Variants in RPSA2 observed in about 807,000 individuals in gnomAD.
RPSA2 encodes the protein ribosomal protein SA 2.
chr19:23,854,527 G>A, the RPSA2 span, among the ~76,000 whole-genome samples: 1 of 152,106 alleles, frequency 6.6e-6, no homozygotes, highest in Non-Finnish European at 1.5e-5. Context: ...TTGGGGCCTG[G>A]GACTGGCCCT....
At chr19:23,827,585 C>T in the RPSA2 span, 6 of 1,587,062 alleles carry the variant, frequency 3.8e-6, 1 homozygote, top group Non-Finnish European at 2.6e-6. Flanking sequence ...TTATGTTAAC[C>T]TACCTACCAT....
the RPSA2 span, among the ~76,000 whole-genome samples, chr19:23,851,290 A>G: frequency 2.0e-5 from 3 of 152,340 alleles, no homozygotes; most frequent in Admixed American, 6.5e-5. Flanking sequence ...AGCAGTGGAC[A>G]GTAAGCTTAG....
At chr19:23,826,894 G>C in the RPSA2 span, among the ~76,000 whole-genome samples, 1 of 148,304 alleles carries the variant, frequency 6.7e-6, no homozygotes, top group Admixed American at 6.8e-5. Context: ...GTTCACCATT[G>C]TTGGTCTGGT....
chr19:23,803,163 A>G, the RPSA2 span, among the ~76,000 whole-genome samples: 35 of 152,066 alleles, frequency 2.3e-4, no homozygotes, highest in Middle Eastern at 3.4e-3. Flanking sequence ...GGCACAAAAA[A>G]CAGAATTTTA....
At chr19:23,806,783 TCAA>T in the RPSA2 span, among the ~76,000 whole-genome samples, 10 of 48,514 alleles carry the variant, frequency 2.1e-4, no homozygotes, top group African/African-American at 8.7e-4. Flanking sequence ...AGACTGAGTC[TCAA>T]AAAAAAAAAA....
the RPSA2 span, among the ~76,000 whole-genome samples, chr19:23,761,934 TTGAGATGGAG>T: frequency 1.0e-3 from 136 of 129,568 alleles, no homozygotes; most frequent in East Asian, 4.5e-3. Context: ...TTTTTTTTTT[TTGAGATGGAG>T]TCTTGCTCTA....
At chr19:23,858,087 G>A in the RPSA2 span, among the ~76,000 whole-genome samples, 2 of 142,380 alleles carry the variant, frequency 1.4e-5, no homozygotes, top group Non-Finnish European at 3.0e-5. Context: ...CTCTGTATAA[G>A]TTTCTTGAGT....
the RPSA2 span, chr19:23,758,883 G>T: frequency 7.7e-7 from 1 of 1,292,486 alleles, no homozygotes; most frequent in Non-Finnish European, 1.1e-6. Context: ...TCGGGCTGAA[G>T]GGAGAGACAA....
the RPSA2 span, among the ~76,000 whole-genome samples, chr19:23,868,414 T>C: frequency 3.3e-5 from 5 of 152,210 alleles, no homozygotes; most frequent in African/African-American, 1.2e-4. Flanking sequence ...GTCATGCTTT[T>C]CAAACTTTCC....
At chr19:23,846,203 A>G in the RPSA2 span, among the ~76,000 whole-genome samples, 2 of 152,110 alleles carry the variant, frequency 1.3e-5, no homozygotes, top group Non-Finnish European at 1.5e-5. Flanking sequence ...GTTTATATGT[A>G]TCTTACAAGT....
At chr19:23,870,169 A>G in the RPSA2 span, among the ~76,000 whole-genome samples, 73 of 152,174 alleles carry the variant, frequency 4.8e-4, 1 homozygote, top group South Asian at 7.3e-3. Flanking sequence ...AATTTTTGCT[A>G]TTGTTTCTTT....
chr19:23,787,260 C>G, the RPSA2 span, among the ~76,000 whole-genome samples: 6 of 152,022 alleles, frequency 3.9e-5, no homozygotes, highest in African/African-American at 1.4e-4. Context: ...GTGTGACACT[C>G]AGGGGATGTA....
At chr19:23,843,558 C>A in the RPSA2 span, among the ~76,000 whole-genome samples, 5 of 152,170 alleles carry the variant, frequency 3.3e-5, no homozygotes, top group Admixed American at 2.0e-4. Flanking sequence ...ACCTGCTCTT[C>A]CATTGCTTTG....
At chr19:23,823,578 C>T in the RPSA2 span, among the ~76,000 whole-genome samples, 4 of 151,884 alleles carry the variant, frequency 2.6e-5, no homozygotes, top group Non-Finnish European at 4.4e-5. Context: ...TAACTGACTT[C>T]GCGAGCCACT....
the RPSA2 span, among the ~76,000 whole-genome samples, chr19:23,768,045 G>A: frequency 1.3e-5 from 2 of 152,090 alleles, no homozygotes; most frequent in African/African-American, 2.4e-5. Flanking sequence ...GATTACAAGC[G>A]TGAGCCACCA....
chr19:23,831,118 G>C, the RPSA2 span, among the ~76,000 whole-genome samples: 2 of 148,864 alleles, frequency 1.3e-5, no homozygotes, highest in Admixed American at 6.7e-5. Context: ...TTTTTTTTTT[G>C]GTCTCAGCTG....
chr19:23,793,823 C>T, the RPSA2 span, among the ~76,000 whole-genome samples: 1 of 152,172 alleles, frequency 6.6e-6, no homozygotes, highest in Admixed American at 6.5e-5. Context: ...CTCGGCCTCC[C>T]AAAGTGCTGG....
chr19:23,814,095 C>T, the RPSA2 span, among the ~76,000 whole-genome samples: 1 of 151,186 alleles, frequency 6.6e-6, no homozygotes, highest in South Asian at 2.1e-4. Flanking sequence ...GCCTGTAATC[C>T]CAGCTTCTTG....
At chr19:23,832,838 C>G in the RPSA2 span, 1 of 1,580,704 alleles carries the variant, frequency 6.3e-7, no homozygotes, top group African/African-American at 1.3e-5. Context: ...TTCAGCCAGT[C>G]CTCAACCCTT....
Sources: gnomAD v4.1 joint callset for allele counts (sites outside exome capture counted in the v4.1 genomes callset) on GRCh38, gnomAD v4.1.1 for gene constraint, MANE v1.5 for transcripts, NCBI Gene and HGNC (gene_info 2026-07-23, HGNC 2026-07-21) for gene names.